The following MPPED2 variants were observed in gnomAD, a reference collection of about 807,000 sequenced individuals.
The protein encoded by MPPED2 is metallophosphoesterase domain containing 2.
Under a neutral mutation model 33.0 loss-of-function variants are expected in MPPED2, and 5 were observed. The observed-to-expected ratio is 0.15, with a 90% CI of 0.08 to 0.32. The LOEUF (loss-of-function observed/expected upper bound fraction) is 0.32, where lower values mean the gene tolerates loss of function less well. Among genes scored for constraint, MPPED2 ranks in the 10% least tolerant of loss-of-function variants. The probability of loss-of-function intolerance (pLI) is 1.00; values close to 1 mark genes in which losing one functional copy is unlikely to be tolerated. For synonymous variants in MPPED2, 136 were observed against 141.9 expected, an observed-to-expected ratio of 0.96 and a Z score of 0.29; for missense variants, 275 against 372.1, an observed-to-expected ratio of 0.74 and a Z score of 2.15.
chr11:30,466,734 G>A (rs1487062363), intron 4 of MPPED2, among the ~76,000 whole-genome samples: 1 of 152,210 alleles, frequency 6.6e-6, no homozygotes, highest in African/African-American at 2.4e-5. Context: ...GAATGCTTTT[G>A]CAAATTCAAC....
chr11:30,529,523 T>TTGTGTG (rs35929058), intron 3 of MPPED2, among the ~76,000 whole-genome samples: 3 of 150,178 alleles, frequency 2.0e-5, no homozygotes, highest in Admixed American at 1.3e-4. Context: ...CAAAAGATAT[T>TTGTGTG]TGTGTGTGTG....
intron 2 of MPPED2, among the ~76,000 whole-genome samples, chr11:30,567,728 C>A (rs1270855544): frequency 6.6e-6 from 1 of 152,174 alleles, no homozygotes; most frequent in Non-Finnish European, 1.5e-5. Flanking sequence ...TATTTCAGGG[C>A]CAACACTATT....
At chr11:30,385,909 C>T (rs1565026323) in exon 7 of MPPED2, 1 of 152,142 alleles carries the variant, frequency 6.6e-6, no homozygotes, top group Non-Finnish European at 1.5e-5. Flanking sequence ...ACTTCTATCC[C>T]ATTTCTTATT....
intron 4 of MPPED2, chr11:30,451,809 T>C: frequency 4.1e-6 from 4 of 985,392 alleles, no homozygotes; most frequent in Non-Finnish European, 4.8e-6. Context: ...TGACTGCAGA[T>C]TAATTTCACT....
At chr11:30,476,472 T>C (rs377368503) in intron 4 of MPPED2, among the ~76,000 whole-genome samples, 22 of 152,154 alleles carry the variant, frequency 1.4e-4, no homozygotes, top group African/African-American at 5.3e-4. Context: ...TCCATATTGA[T>C]ATTTATCTGT....
intron 3 of MPPED2, among the ~76,000 whole-genome samples, chr11:30,513,758 A>G (rs137874280): frequency 4.1e-4 from 63 of 152,342 alleles, no homozygotes; most frequent in African/African-American, 1.5e-3. Context: ...CATGGACAAA[A>G]GAGGAAACAA....
At chr11:30,426,238 T>C (rs1361673205) in intron 4 of MPPED2, among the ~76,000 whole-genome samples, 3 of 152,244 alleles carry the variant, frequency 2.0e-5, no homozygotes, top group African/African-American at 7.2e-5. Flanking sequence ...AGGTACTTCA[T>C]GTAAGTGGAA....
intron 6 of MPPED2, among the ~76,000 whole-genome samples, chr11:30,397,340 T>A (rs1947851237): frequency 6.6e-6 from 1 of 152,154 alleles, no homozygotes; most frequent in Non-Finnish European, 1.5e-5. Flanking sequence ...CTCTAGTAAA[T>A]TTCATATGGA....
intron 4 of MPPED2, among the ~76,000 whole-genome samples, chr11:30,419,204 G>A (rs1948506457): frequency 6.6e-6 from 1 of 152,204 alleles, no homozygotes; most frequent in African/African-American, 2.4e-5. Context: ...GCAAACTCAT[G>A]AGGTGGGCAC....
intron 4 of MPPED2, among the ~76,000 whole-genome samples, chr11:30,487,178 A>C (rs943729083): frequency 3.9e-5 from 6 of 152,184 alleles, no homozygotes; most frequent in African/African-American, 1.4e-4. Flanking sequence ...GGAGCCTATT[A>C]GTGTAATAGG....
intron 6 of MPPED2, among the ~76,000 whole-genome samples, chr11:30,403,845 G>A (rs1565035296): frequency 6.6e-6 from 1 of 152,172 alleles, no homozygotes; most frequent in Non-Finnish European, 1.5e-5. Context: ...GGAAGAAAGG[G>A]CTATATGTCT....
At chr11:30,430,508 G>A (rs1045348101) in intron 4 of MPPED2, among the ~76,000 whole-genome samples, 1 of 152,092 alleles carries the variant, frequency 6.6e-6, no homozygotes, top group Admixed American at 6.6e-5. Context: ...TACCTATGTA[G>A]TTCACGTTAT....
chr11:30,423,069 C>T lies in MPPED2; in HGVS notation c.537-5436G>A, dbSNP rs1043175858. Reference sequence around the variant, plus strand: ...TTTTCTTTATGGAAGCAAGTTAGGACGAAATCGCTGAAAAGGTCATCTGTG... The same window carrying T: ...TTTTCTTTATGGAAGCAAGTTAGGATGAAATCGCTGAAAAGGTCATCTGTG... On this transcript the variant is annotated intron_variant, in intron 4 of 6. Transcript: ENST00000358117. 2.6e-5 allele frequency among the ~76,000 whole-genome samples: 4 copies of T among 152,140 alleles called. No individual in the cohort carries two copies. In the East Asian group the frequency reaches 7.7e-4, roughly 29 times the overall value.
At chr11:30,548,693 T>A (rs1372912563) in intron 2 of MPPED2, among the ~76,000 whole-genome samples, 2 of 152,112 alleles carry the variant, frequency 1.3e-5, no homozygotes, top group Non-Finnish European at 2.9e-5. Context: ...AAAGGTTAGG[T>A]CACCAAGCAA....
chr11:30,578,643 A>C (rs1170831240), intron 2 of MPPED2, among the ~76,000 whole-genome samples: 2 of 152,206 alleles, frequency 1.3e-5, no homozygotes, highest in Non-Finnish European at 2.9e-5. Flanking sequence ...GAATCTGGGC[A>C]AAACACACTT....
At chr11:30,417,021 C>T (rs1948396285) in intron 5 of MPPED2, among the ~76,000 whole-genome samples, 1 of 152,132 alleles carries the variant, frequency 6.6e-6, no homozygotes, top group African/African-American at 2.4e-5. Flanking sequence ...TGAAATACCT[C>T]AGCTTATAAA....
At chr11:30,472,187 C>T (rs775626009) in intron 4 of MPPED2, among the ~76,000 whole-genome samples, 23 of 152,024 alleles carry the variant, frequency 1.5e-4, no homozygotes, top group Non-Finnish European at 3.1e-4. Context: ...AACATAAGAT[C>T]CCATCTCTAC....
chr11:30,422,588 G>A (rs1044372593), intron 4 of MPPED2, among the ~76,000 whole-genome samples: 3 of 152,188 alleles, frequency 2.0e-5, no homozygotes, highest in Admixed American at 1.3e-4. Flanking sequence ...TGGAAAATAC[G>A]TGCACAGCCA....
intron 6 of MPPED2, among the ~76,000 whole-genome samples, chr11:30,390,534 T>C (rs1192655950): frequency 2.0e-5 from 3 of 152,198 alleles, no homozygotes; most frequent in Non-Finnish European, 2.9e-5. Flanking sequence ...GGAGAATATA[T>C]CACTGCCATT....
Sources: gnomAD v4.1 joint callset for allele counts (sites outside exome capture counted in the v4.1 genomes callset) on GRCh38, gnomAD v4.1.1 for gene constraint, MANE v1.5 for transcripts, NCBI Gene and HGNC (gene_info 2026-07-23, HGNC 2026-07-21) for gene names.